The following RBFOX1 variants were observed in gnomAD, a reference collection of about 807,000 sequenced individuals.
RBFOX1 encodes RNA binding protein fox-1 homolog 1.
Under a neutral mutation model 57.7 loss-of-function variants are expected in RBFOX1, and 8 were observed. That is an observed-to-expected ratio of 0.14 (90% CI 0.08 to 0.25). The LOEUF is 0.25. Ranked by LOEUF, RBFOX1 falls within the 10% of genes least tolerant of loss-of-function variation. The pLI is 1.00. For missense variants in RBFOX1, 611 were observed against 548.5 expected, an observed-to-expected ratio of 1.11 and a Z score of -1.14; for synonymous variants, 326 against 222.4, an observed-to-expected ratio of 1.47 and a Z score of -4.15.
intron 3 of RBFOX1, among the ~76,000 whole-genome samples, chr16:6,795,317 A>G (rs915569203): frequency 1.3e-5 from 2 of 152,094 alleles, no homozygotes; most frequent in African/African-American, 2.4e-5. Flanking sequence ...TGATTTTTCC[A>G]ACACTGGTTT....
At chr16:6,138,696 T>C (rs558645442) in intron 1 of RBFOX1, among the ~76,000 whole-genome samples, 12 of 151,986 alleles carry the variant, frequency 7.9e-5, no homozygotes, top group Admixed American at 7.2e-4. Context: ...TGAAACCCCG[T>C]CTCTACTGAA....
chr16:6,362,187 A>C (rs74913635), intron 2 of RBFOX1, among the ~76,000 whole-genome samples: 175 of 152,144 alleles, frequency 1.2e-3, no homozygotes, highest in African/African-American at 4.0e-3. Flanking sequence ...CGCCCCCCCA[A>C]AAAACAAAAT....
intron 2 of RBFOX1, among the ~76,000 whole-genome samples, chr16:5,537,941 A>G (rs897116312): frequency 6.6e-6 from 1 of 152,188 alleles, no homozygotes; most frequent in African/African-American, 2.4e-5. Context: ...CCCTCCCACA[A>G]GAGTTACACA....
At chr16:5,512,111 G>A (rs1248521719) in intron 2 of RBFOX1, among the ~76,000 whole-genome samples, 1 of 152,188 alleles carries the variant, frequency 6.6e-6, no homozygotes, top group African/African-American at 2.4e-5. Context: ...GGGTACTTTG[G>A]CAAAGTGGTT....
Position 5,506,713 on chromosome 16 carries a change from C to T in RBFOX1, c.258+39459C>T, listed in dbSNP as rs185298305. Among the ~76,000 whole-genome samples, 224 of 152,134 alleles carry T rather than the reference C, an allele frequency of 1.5e-3. 2 individuals carry two copies. The highest frequency in any genetic ancestry group is 5.8e-3 in the Admixed American group (88 of 15,284). ...GGGAGTGAGGTGTGGGTTACGGCTT[C>T]CCCAGGGACATCTTGATCTCCAAGA... On this transcript the variant is annotated intron_variant, in intron 2 of 2. Coordinates refer to the RBFOX1 transcript ENST00000585867.
At position 6,898,745 on chromosome 16, in the gene RBFOX1, TC is replaced by T. The variant is rs916315601; in HGVS notation, c.-15-153310del. On this transcript the variant is annotated intron_variant, in intron 3 of 15. Transcript: ENST00000550418. Reference sequence around the variant, plus strand: ...TATGTGTATGATACATGTGTATGTGTCCATATATATAATACGTGTATGCACA... The same window carrying T: ...TATGTGTATGATACATGTGTATGTGTCATATATATAATACGTGTATGCACA... 6.6e-5 allele frequency among the ~76,000 whole-genome samples: 10 copies of T among 152,238 alleles called. 2 individuals are homozygous for T. Among genetic ancestry groups the T allele is most frequent in the East Asian group, 1.9e-4 (1 of 5,180 alleles).
chr16:7,232,971 C>A (rs987341605), intron 4 of RBFOX1, among the ~76,000 whole-genome samples: 7 of 152,034 alleles, frequency 4.6e-5, no homozygotes, highest in African/African-American at 1.7e-4. Flanking sequence ...TCTTCTTTCC[C>A]TCTCCACACC....
intron 3 of RBFOX1, among the ~76,000 whole-genome samples, chr16:6,939,952 TGACATGG>T (rs1294905152): frequency 1.3e-5 from 2 of 152,228 alleles, no homozygotes; most frequent in African/African-American, 4.8e-5. Flanking sequence ...ATAGCAGGAA[TGACATGG>T]GTGGAATTTA....
intron 4 of RBFOX1, among the ~76,000 whole-genome samples, chr16:7,365,615 G>A (rs1233548620): frequency 6.6e-6 from 1 of 152,226 alleles, no homozygotes; most frequent in East Asian, 1.9e-4. Context: ...CCAAGGCACA[G>A]AATCTTGTGC....
chr16:7,616,033 A>T (rs1342541054), intron 10 of RBFOX1, among the ~76,000 whole-genome samples: 1 of 152,146 alleles, frequency 6.6e-6, no homozygotes, highest in Non-Finnish European at 1.5e-5. Context: ...TCATCTTTGG[A>T]GCATTGTATT....
chr16:7,330,518 G>GTGTGTGTGTT (rs1400189174), intron 4 of RBFOX1, among the ~76,000 whole-genome samples: 51 of 133,424 alleles, frequency 3.8e-4, no homozygotes, highest in African/African-American at 1.4e-3. Context: ...GTTTGTGTGT[G>GTGTGTGTGTT]TGTGTGTAGA....
chr16:6,963,077 C>T (rs539634270), intron 3 of RBFOX1, among the ~76,000 whole-genome samples: 2 of 152,212 alleles, frequency 1.3e-5, no homozygotes, highest in Non-Finnish European at 2.9e-5. Flanking sequence ...ATGCTCCAGG[C>T]CCACCTTCCC....
chr16:5,439,042 G>T (rs112324853), intron 1 of RBFOX1, among the ~76,000 whole-genome samples: 3,743 of 144,638 alleles, frequency 0.026, 70 homozygotes, highest in Middle Eastern at 0.09. Context: ...TGGGGGGGGG[G>T]GCATAGTGAT....
chr16:6,142,041 C>G (rs1254270052), intron 1 of RBFOX1, among the ~76,000 whole-genome samples: 2 of 125,462 alleles, frequency 1.6e-5, no homozygotes, highest in Non-Finnish European at 3.7e-5. Context: ...CCTGGGTGAG[C>G]TCAAAAGAAA....
rs1253890797 is a variant in RBFOX1, at chr16:6,063,815, C to G, written c.-127+43823C>G. ...TTTGATTCATTCCATTAGGTGGTCA[C>G]TGGGATGTAGATGCTTGACAGCCTC... On this transcript the variant is annotated intron_variant, in intron 1 of 15. Transcript: ENST00000550418. Among the ~76,000 whole-genome samples, 3 of 152,266 alleles carry G rather than the reference C, an allele frequency of 2.0e-5. No individual in the cohort carries two copies. The South Asian group carries it at 6.2e-4, about 32-fold the overall frequency.
intron 3 of RBFOX1, among the ~76,000 whole-genome samples, chr16:5,637,832 C>T (rs557517488): frequency 2.0e-5 from 3 of 152,240 alleles, no homozygotes; most frequent in East Asian, 1.9e-4. Context: ...GGCTTAGCCC[C>T]ACTCTGGATT....
At chr16:6,263,758 C>T (rs1008337467) in intron 1 of RBFOX1, among the ~76,000 whole-genome samples, 1 of 152,104 alleles carries the variant, frequency 6.6e-6, no homozygotes, top group Admixed American at 6.6e-5. Context: ...AAGCACCCTG[C>T]CATGGTTTTT....
In RBFOX1 at chr16:6,183,405, G is replaced by C. The variant is rs1051941202; in HGVS notation, c.-126-133590G>C. Among the ~76,000 whole-genome samples, 10 of 151,768 alleles carry C rather than the reference G, an allele frequency of 6.6e-5. No individual in the cohort carries two copies. The South Asian group carries it at 2.1e-3, about 32-fold the overall frequency. On this transcript the variant is annotated intron_variant, in intron 1 of 15. Transcript: ENST00000550418. ...TGAGGCAGGATAATAGCTTGAACTC[G>C]GGAGGTGGAGGTTGCAGTGAGCCGA...
intron 4 of RBFOX1, among the ~76,000 whole-genome samples, chr16:7,357,191 C>T (rs1488195815): frequency 6.7e-6 from 1 of 150,178 alleles, no homozygotes; most frequent in African/African-American, 2.5e-5. Flanking sequence ...CAAGCATACA[C>T]GCAGTTTTGA....
Sources: gnomAD v4.1 joint callset for allele counts (sites outside exome capture counted in the v4.1 genomes callset) on GRCh38, gnomAD v4.1.1 for gene constraint, MANE v1.5 for transcripts, NCBI Gene and HGNC (gene_info 2026-07-23, HGNC 2026-07-21) for gene names.